The following DNAH14 variants were observed in gnomAD, a reference collection of about 807,000 sequenced individuals.
DNAH14 encodes the protein axonemal beta dynein heavy chain 14.
A neutral mutation model predicts 520.9 loss-of-function variants in DNAH14; 478 were observed. That is an observed-to-expected ratio of 0.92 (90% CI 0.85 to 0.99). DNAH14 has a LOEUF of 0.99. DNAH14 is among the 50% of genes least tolerant of loss of function. The probability of loss-of-function intolerance (pLI) is 0.00; values close to 1 mark genes in which losing one functional copy is unlikely to be tolerated. For missense variants in DNAH14, 4,831 were observed against 5,234.5 expected (o/e 0.92, Z 2.38); for synonymous variants, 1,581 against 1,757.2 (o/e 0.90, Z 2.51).
chr1:225,202,351 G>T (rs1389790429), intron 38 of DNAH14, among the ~76,000 whole-genome samples: 1 of 152,146 alleles, frequency 6.6e-6, no homozygotes, highest in Non-Finnish European at 1.5e-5. Context: ...GACTCTCCTT[G>T]GGCGGGTCTT....
rs2074768050 is a variant in DNAH14, at chr1:225,094,688, A to C, written c.3574-2430A>C. Among the ~76,000 whole-genome samples, 3 of 114,288 alleles carry C rather than the reference A, an allele frequency of 2.6e-5. 1 individual carries two copies. Among genetic ancestry groups the C allele is most frequent in the Non-Finnish European group, 5.2e-5 (3 of 57,520 alleles). The allele number at this position is 114,288 out of a possible 152,430, so 75.0% of individuals were successfully genotyped here. A position where few individuals can be genotyped will look rare whatever the true frequency, so the allele number is the denominator to read the frequency against. ...AAAAAAAAAAAAAAAACAACAAAAC[A>C]AACAAACAAAAAAACGCTATCAACA... On this transcript the variant is annotated intron_variant, in intron 21 of 85. Transcript: ENST00000682510.
chr1:225,399,250 G>C lies in DNAH14; in HGVS notation c.13835G>C (p.Cys4612Ser). 6.4e-7 allele frequency: 1 copy of C among 1,551,078 alleles called. No individual in the cohort carries two copies. Among genetic ancestry groups the C allele is most frequent in the South Asian group, 1.2e-5 (1 of 84,020 alleles). ...ATCACAATGCGGGTTGCATTGCTTT[G>C]TGAGAAGAATGAAAAATAAATGTCC... ...HWITMRVALL[C>S]EKNEK Residue 4612 changes from cysteine to serine, a missense_variant, in exon 86 of 86, where the codon TGT (cysteine) becomes TCT (serine). Coordinates refer to ENST00000682510, the MANE Select transcript of DNAH14 (RefSeq NM_001367479.1).
intron 35 of DNAH14, among the ~76,000 whole-genome samples, chr1:225,161,460 C>A (rs566397439): frequency 6.6e-6 from 1 of 152,142 alleles, no homozygotes; most frequent in Non-Finnish European, 1.5e-5. Flanking sequence ...CTATTGTGAA[C>A]AGTACTGCAG....
chr1:225,145,418 C>CACATAAA (rs2079843991), intron 30 of DNAH14, 39 bp downstream of exon 30: 1 of 1,405,082 alleles, frequency 7.1e-7, no homozygotes, highest in South Asian at 1.5e-5. Context: ...AAATATTGTA[C>CACATAAA]ACATAAAACA....
intron 42 of DNAH14, among the ~76,000 whole-genome samples, chr1:225,234,436 C>T (rs2091406984): frequency 6.6e-6 from 1 of 152,202 alleles, no homozygotes; most frequent in Non-Finnish European, 1.5e-5. Flanking sequence ...GATCCGCCCA[C>T]CTCAGCCTCC....
intron 15 of DNAH14, 43 bp from the exon 16 acceptor site, chr1:225,050,167 A>C (rs970895934): frequency 2.0e-6 from 3 of 1,483,260 alleles, no homozygotes; most frequent in African/African-American, 2.9e-5. Flanking sequence ...TGTTGCTTTC[A>C]ATGGCATTTC....
chr1:225,071,368 A>G (rs1289228255), intron 17 of DNAH14, among the ~76,000 whole-genome samples: 2 of 152,130 alleles, frequency 1.3e-5, no homozygotes, highest in Non-Finnish European at 2.9e-5. Context: ...CCTATAAGGC[A>G]GGTCTGGTGG....
chr1:225,020,685 C>T (rs1175220745), intron 10 of DNAH14, among the ~76,000 whole-genome samples: 1 of 151,854 alleles, frequency 6.6e-6, no homozygotes, highest in Non-Finnish European at 1.5e-5. Context: ...AATAAAACAC[C>T]TAAAAACCAA....
chr1:225,264,085 TTG>T, intron 46 of DNAH14, 110 bp from the exon 47 acceptor site: 2 of 890,836 alleles, frequency 2.2e-6, no homozygotes, highest in Non-Finnish European at 3.3e-6. Flanking sequence ...AAAATTTTTC[TTG>T]TAAGAGTTAG....
At chr1:224,968,898 A>T (rs1164928156) in intron 7 of DNAH14, 24 bp downstream of exon 7, 2 of 1,484,460 alleles carry the variant, frequency 1.3e-6, no homozygotes, top group Admixed American at 4.1e-5. Context: ...AATGAAACCA[A>T]TTCTTTGTAG....
chr1:225,098,658 T>C (rs769380437), intron 22 of DNAH14, among the ~76,000 whole-genome samples: 2 of 152,202 alleles, frequency 1.3e-5, no homozygotes, highest in Admixed American at 6.5e-5. Flanking sequence ...TTTATTCTAT[T>C]TGATTGATCG....
chr1:225,260,302 A>G (rs2092890027), intron 46 of DNAH14, among the ~76,000 whole-genome samples: 1 of 151,716 alleles, frequency 6.6e-6, no homozygotes, highest in African/African-American at 2.4e-5. Context: ...CAGTGAGCCA[A>G]GATTGCGCCA....
At chr1:224,996,644 C>T (rs2063410259) in intron 8 of DNAH14, among the ~76,000 whole-genome samples, 1 of 152,138 alleles carries the variant, frequency 6.6e-6, no homozygotes, top group South Asian at 2.1e-4. Flanking sequence ...GAGACCCCGA[C>T]TGAGCTCTGT....
intron 28 of DNAH14, among the ~76,000 whole-genome samples, chr1:225,141,324 CTGTTT>C (rs1449154527): frequency 4.0e-5 from 6 of 151,870 alleles, no homozygotes; most frequent in Non-Finnish European, 7.4e-5. Context: ...TTCTACTGTT[CTGTTT>C]TATTATGTCA....
At chr1:225,394,214 C>G (rs2095969828) in intron 84 of DNAH14, among the ~76,000 whole-genome samples, 1 of 152,144 alleles carries the variant, frequency 6.6e-6, no homozygotes, top group Non-Finnish European at 1.5e-5. Context: ...TGGATTTCCT[C>G]TTTTGTGAAG....
At chr1:225,373,405 C>A (rs564883774) in intron 77 of DNAH14, among the ~76,000 whole-genome samples, 101 of 150,118 alleles carry the variant, frequency 6.7e-4, no homozygotes, top group Non-Finnish European at 1.2e-3. Flanking sequence ...GTGGAGGTTG[C>A]AGTGAGCCGA....
At position 224,953,599 on chromosome 1, in the gene DNAH14, A is replaced by G. The variant is rs560750350; in HGVS notation, c.77+820A>G. Among the ~76,000 whole-genome samples, 6 of 152,220 alleles carry G rather than the reference A, an allele frequency of 3.9e-5. No individual in the cohort carries two copies. In the South Asian group the frequency reaches 1.0e-3, roughly 26 times the overall value. On this transcript the variant is annotated intron_variant, in intron 2 of 85. Coordinates refer to ENST00000682510, the MANE Select transcript of DNAH14 (RefSeq NM_001367479.1). The stretch of plus-strand genomic sequence containing the variant: ...AGAAGTGTGCTGTAGAAACAAGGAT[A>G]CACAAATAAAGAATAAAGAACCCAA...
At chr1:225,324,948 A>G (rs2094626192) in intron 64 of DNAH14, 116 bp downstream of exon 64, 4 of 588,858 alleles carry the variant, frequency 6.8e-6, no homozygotes, top group Non-Finnish European at 8.0e-6. Flanking sequence ...TAGTGAAAAG[A>G]TTAATTGTGA....
At chr1:225,096,546 G>T (rs1206341001) in intron 21 of DNAH14, among the ~76,000 whole-genome samples, 5 of 151,998 alleles carry the variant, frequency 3.3e-5, no homozygotes, top group Admixed American at 1.3e-4. Flanking sequence ...GTTGGAAAAA[G>T]ACATTATAGG....
Sources: allele counts gnomAD v4.1 joint callset (sites outside exome capture counted in the v4.1 genomes callset), GRCh38; gene constraint gnomAD v4.1.1; transcripts MANE v1.5; gene names NCBI Gene and HGNC (gene_info 2026-07-23, HGNC 2026-07-21).